STK3: variants seen among roughly 807,000 people sequenced by gnomAD.
STK3 encodes serine/threonine-protein kinase 3.
STK3 carries 41 observed loss-of-function variants against 58.0 expected under a neutral mutation model. The ratio of observed to expected loss-of-function variants is 0.71; its 90% CI spans 0.55 to 0.92. The LOEUF (loss-of-function observed/expected upper bound fraction) is 0.92, where lower values mean the gene tolerates loss of function less well. Ranked by LOEUF, STK3 falls within the 40% of genes least tolerant of loss-of-function variation. STK3 has a pLI of 0.00. For missense variants in STK3, 479 were observed against 602.7 expected (o/e 0.79, Z 2.15); for synonymous variants, 170 against 191.0 (o/e 0.89, Z 0.91).
intron 8 of STK3, among the ~76,000 whole-genome samples, chr8:98,552,984 A>C (rs1011693082): frequency 6.6e-6 from 1 of 152,166 alleles, no homozygotes; most frequent in African/African-American, 2.4e-5. Context: ...CATGTGAACA[A>C]TAAGTTACAG....
At chr8:98,555,892 G>T (rs1399515715) in intron 8 of STK3, among the ~76,000 whole-genome samples, 1 of 152,018 alleles carries the variant, frequency 6.6e-6, no homozygotes, top group African/African-American at 2.4e-5. Context: ...TGATGGGGGT[G>T]GGGGATTAGT....
the STK3 span, among the ~76,000 whole-genome samples, chr8:98,353,578 A>G: frequency 6.6e-6 from 1 of 152,250 alleles, no homozygotes; most frequent in African/African-American, 2.4e-5. Context: ...ATATCTCATT[A>G]TGTATATGCA....
At chr8:98,886,428 G>C (rs987055729) in intron 1 of STK3, among the ~76,000 whole-genome samples, 6 of 152,208 alleles carry the variant, frequency 3.9e-5, no homozygotes, top group African/African-American at 1.4e-4. Context: ...TCAATGCAAT[G>C]TATTTGCAAG....
At chr8:98,748,392 A>T (rs1829771963) in intron 4 of STK3, among the ~76,000 whole-genome samples, 2 of 152,146 alleles carry the variant, frequency 1.3e-5, no homozygotes, top group African/African-American at 2.4e-5. Context: ...CACTTCCCTT[A>T]AAAGAAATCC....
chr8:98,826,030 A>AT (rs1439990870), upstream of STK3, among the ~76,000 whole-genome samples: 3 of 151,614 alleles, frequency 2.0e-5, no homozygotes, highest in Admixed American at 2.0e-4. Context: ...GGCTGGCCCC[A>AT]GAGCCCCGTG....
chr8:98,653,676 A>T (rs1308103827), intron 6 of STK3, among the ~76,000 whole-genome samples: 1 of 152,232 alleles, frequency 6.6e-6, no homozygotes, highest in Non-Finnish European at 1.5e-5. Flanking sequence ...ACAGAAATAC[A>T]AACTACCATC....
At chr8:98,738,711 C>A (rs983341600) in intron 4 of STK3, among the ~76,000 whole-genome samples, 2 of 152,186 alleles carry the variant, frequency 1.3e-5, no homozygotes, top group African/African-American at 2.4e-5. Context: ...CCAGGTTCAT[C>A]TCACTAGAGA....
intron 1 of STK3, among the ~76,000 whole-genome samples, chr8:98,928,668 C>A (rs898737689): frequency 1.3e-5 from 2 of 152,192 alleles, no homozygotes; most frequent in African/African-American, 2.4e-5. Flanking sequence ...TGCTCATTAA[C>A]CAAGCACCAT....
chr8:98,561,474 G>C (rs1812030160), intron 8 of STK3, among the ~76,000 whole-genome samples: 1 of 152,042 alleles, frequency 6.6e-6, no homozygotes, highest in Non-Finnish European at 1.5e-5. Flanking sequence ...CCAAAAGCAT[G>C]ATCCATGGAA....
chr8:98,478,136 T>C (rs553635287), intron 10 of STK3, among the ~76,000 whole-genome samples: 36 of 152,264 alleles, frequency 2.4e-4, no homozygotes, highest in African/African-American at 7.7e-4. Flanking sequence ...TAGCGGAAAT[T>C]TGAGAGTGAG....
At chr8:98,737,935 C>A (rs1828754314) in intron 4 of STK3, among the ~76,000 whole-genome samples, 1 of 152,022 alleles carries the variant, frequency 6.6e-6, no homozygotes, top group Admixed American at 6.6e-5. Context: ...GTCTCAAACT[C>A]CTGACCTCAG....
chr8:98,579,625 C>A, intron 8 of STK3, 39 bp downstream of exon 8: 2 of 1,594,912 alleles, frequency 1.3e-6, no homozygotes, highest in Non-Finnish European at 1.7e-6. Context: ...ACAAATAACT[C>A]AGAAGAAAAA....
intron 1 of STK3, among the ~76,000 whole-genome samples, chr8:98,918,893 T>C (rs1839444877): frequency 6.6e-6 from 1 of 151,682 alleles, no homozygotes; most frequent in Admixed American, 6.6e-5. Context: ...TGAAGAGGGG[T>C]CCTGGCACCT....
At chr8:98,848,487 G>C (rs887877088) in intron 3 of STK3, among the ~76,000 whole-genome samples, 1 of 152,168 alleles carries the variant, frequency 6.6e-6, no homozygotes, top group Non-Finnish European at 1.5e-5. Flanking sequence ...GACCTCAGGT[G>C]ATCCGCCTGC....
chr8:98,378,928 A>C (rs1183401394), intron 2 of STK3, among the ~76,000 whole-genome samples: 1 of 152,190 alleles, frequency 6.6e-6, no homozygotes, highest in African/African-American at 2.4e-5. Context: ...AATAATTAAT[A>C]GTATGAAAAC....
intron 4 of STK3, among the ~76,000 whole-genome samples, chr8:98,726,922 T>C (rs1827834445): frequency 6.6e-6 from 1 of 152,220 alleles, no homozygotes; most frequent in Non-Finnish European, 1.5e-5. Context: ...AAGATTCATT[T>C]TGTGAGCTAT....
chr8:98,649,876 C>T (rs1820738813), intron 6 of STK3, among the ~76,000 whole-genome samples: 1 of 152,162 alleles, frequency 6.6e-6, no homozygotes, highest in Non-Finnish European at 1.5e-5. Flanking sequence ...ATGCTCTTTC[C>T]TTCATTTCAA....
At chr8:98,894,825 A>AAT (rs1838389357) in intron 1 of STK3, among the ~76,000 whole-genome samples, 1 of 152,226 alleles carries the variant, frequency 6.6e-6, no homozygotes, top group African/African-American at 2.4e-5. Flanking sequence ...CACTCTGTGA[A>AAT]GTAGAGGTCT....
chr8:98,387,547 G>A (rs373538520), intron 1 of STK3, among the ~76,000 whole-genome samples: 3 of 152,192 alleles, frequency 2.0e-5, no homozygotes, highest in African/African-American at 7.2e-5. Context: ...TCGGGAGTTG[G>A]AGACCAGCCT....
Sources: allele counts gnomAD v4.1 joint callset (sites outside exome capture counted in the v4.1 genomes callset), GRCh38; gene constraint gnomAD v4.1.1; transcripts MANE v1.5; gene names NCBI Gene and HGNC (gene_info 2026-07-23, HGNC 2026-07-21).